The following MRPL52 variants were observed in gnomAD, a reference collection of about 807,000 sequenced individuals.
MRPL52 encodes the protein large ribosomal subunit protein mL52.
MRPL52 carries 19 observed loss-of-function variants against 22.1 expected under a neutral mutation model. The ratio of observed to expected loss-of-function variants is 0.86; its 90% CI spans 0.60 to 1.26. The LOEUF (loss-of-function observed/expected upper bound fraction) is 1.26, where lower values mean the gene tolerates loss of function less well. MRPL52 is among the 50% of genes most tolerant of loss of function. The pLI is 0.00. For synonymous variants in MRPL52, 50 were observed against 57.5 expected (o/e 0.87, Z 0.59); for missense variants, 152 against 148.1 (o/e 1.03, Z -0.14).
At chr14:22,830,439 G>A in intron 3 of MRPL52, 185 bp downstream of exon 3, 4 of 640,242 alleles carry the variant, frequency 6.2e-6, no homozygotes, top group Non-Finnish European at 1.1e-5. Flanking sequence ...GACTAAGGAA[G>A]GTAAAGCTAA....
Position 22,834,281 on chromosome 14 carries a change from C to A in MRPL52, c.329C>A (p.Pro110His), listed in dbSNP as rs1356549380. 1 of 1,614,014 alleles carries A rather than the reference C, an allele frequency of 6.2e-7. No homozygotes were observed. The highest frequency in any genetic ancestry group is 8.5e-7 in the Non-Finnish European group (1 of 1,180,000). ...EQRKQENALK[P>H]KGASLKSPLP... ...AGGAAGCAGGAAAATGCTCTTAAAC[C>A]CAAAGGGGCTTCACTGAAGAGCCCA... The change falls in exon 5 of 5, where the codon CCC becomes CAC. Residue 110 changes from proline (P) to histidine (H), a missense_variant. Pro to His is a moderately conservative substitution (Grantham distance 77, BLOSUM62 -2). Transcript: ENST00000397496.
At chr14:22,833,531 A>G (rs1172922947) in intron 4 of MRPL52, 49 bp downstream of exon 4, 1 of 1,405,746 alleles carries the variant, frequency 7.1e-7, no homozygotes, top group Admixed American at 1.7e-5. Context: ...AGAACATTTA[A>G]ATCATAATTT....
chr14:22,832,900 C>T (rs2039653742), intron 3 of MRPL52, among the ~76,000 whole-genome samples: 1 of 151,812 alleles, frequency 6.6e-6, no homozygotes, highest in African/African-American at 2.4e-5. Flanking sequence ...ATAAAAAAGG[C>T]CGAGCACGGT....
chr14:22,830,070 T>G lies in MRPL52; in HGVS notation c.46T>G (p.Cys16Gly). Residue 16 changes from cysteine to glycine, a missense_variant, in exon 2 of 5, where the codon TGC (cysteine) becomes GGC (glycine). Transcript: ENST00000397496. ...TVLFSVRRLH[C>G]SVAAWAGGQW... Reference sequence around the variant, plus strand: ...CCCAGCAGGTGTCCGGAGGCTGCACTGCAGCGTAGCCGCTTGGGCGGGCGG... The same window carrying G: ...CCCAGCAGGTGTCCGGAGGCTGCACGGCAGCGTAGCCGCTTGGGCGGGCGG... 6.2e-7 allele frequency: 1 copy of G among 1,614,104 alleles called. No homozygotes were observed. Among genetic ancestry groups the G allele is most frequent in the Non-Finnish European group, 8.5e-7 (1 of 1,179,964 alleles).
intron 4 of MRPL52, 153 bp downstream of exon 4, chr14:22,833,635 T>G: frequency 3.2e-6 from 2 of 619,598 alleles, no homozygotes; most frequent in Non-Finnish European, 5.7e-6. Context: ...TTGTTTTTGT[T>G]TTTTGTGAGA....
At chr14:22,830,370 A>G in intron 3 of MRPL52, 116 bp downstream of exon 3, 1 of 1,091,100 alleles carries the variant, frequency 9.2e-7, no homozygotes, top group South Asian at 1.3e-5. Context: ...TTAACTTTTT[A>G]TTTGGAAAAC....
At chr14:22,830,362 A>T in intron 3 of MRPL52, 108 bp downstream of exon 3, 1 of 1,167,994 alleles carries the variant, frequency 8.6e-7, no homozygotes, top group Non-Finnish European at 1.2e-6. Flanking sequence ...AAAAGTGTTT[A>T]ACTTTTTATT....
At chr14:22,830,706 T>C (rs17122926) in intron 3 of MRPL52, 1 of 413,308 alleles carries the variant, frequency 2.4e-6, no homozygotes, top group Non-Finnish European at 4.3e-6. Context: ...TTCAGAAAAT[T>C]CTTTTACCTT....
At chr14:22,830,282 A>C (rs2039576368) in intron 3 of MRPL52, 28 bp downstream of exon 3, 7 of 1,613,366 alleles carry the variant, frequency 4.3e-6, no homozygotes, top group Admixed American at 1.7e-5. Flanking sequence ...AGTTAACTCC[A>C]CTGGGGAGAT....
At chr14:22,830,620 G>T (rs187194209) in intron 3 of MRPL52, 8 of 390,028 alleles carry the variant, frequency 2.1e-5, no homozygotes, top group African/African-American at 1.2e-4. Context: ...CAAATGCAGG[G>T]AGAGCTCTTT....
At chr14:22,833,356 A>T in intron 3 of MRPL52, 62 bp from the exon 4 acceptor site, 2 of 1,044,532 alleles carry the variant, frequency 1.9e-6, no homozygotes, top group Non-Finnish European at 3.0e-6. Flanking sequence ...CTATCACAGT[A>T]TTTGCACAAG....
chr14:22,831,105 G>GGTTTT, intron 3 of MRPL52: 2 of 101,282 alleles, frequency 2.0e-5, no homozygotes, highest in Non-Finnish European at 3.3e-5. Context: ...ACATATGACT[G>GGTTTT]CTTTTTTTTT....
chr14:22,830,876 TAG>T, intron 3 of MRPL52: 1 of 858,496 alleles, frequency 1.2e-6, no homozygotes, highest in South Asian at 1.6e-5. Flanking sequence ...TACAGCTAGG[TAG>T]TAGCAAATCC....
Position 22,833,502 on chromosome 14 carries a change from G to A in MRPL52, c.219+20G>A, listed in dbSNP as rs761852248. 3.1e-6 allele frequency: 5 copies of A among 1,590,778 alleles called. No homozygotes were observed. The Admixed American group carries it at 5.0e-5, about 16-fold the overall frequency. The stretch of plus-strand genomic sequence containing the variant: ...TTTGCAGTGAGTGGTTAGAGCAACA[G>A]CCAGGGCTACCTGGAAGGAGAACAT... On this transcript the variant is annotated intron_variant, in intron 4 of 4. Coordinates refer to ENST00000397496, the MANE Select transcript of MRPL52 (RefSeq NM_180982.3).
rs9646149 is a variant in MRPL52 at position 22,831,183 on chromosome 14, G to A, written c.154+929G>A. 19 of 533,136 alleles carry A rather than the reference G, an allele frequency of 3.6e-5. 1 individual carries two copies. The South Asian group carries it at 4.0e-4, about 11-fold the overall frequency. 33.0% of individuals were successfully genotyped at this position (533,136 alleles called of 1,614,324 possible). On this transcript the variant is annotated intron_variant, in intron 3 of 4. Transcript: ENST00000397496. ...GCTGAAGTGCAGTGGCATGATCATC[G>A]CTCACTGCAGCCTTGATCTCCTGGG...
At chr14:22,830,991 T>C in intron 3 of MRPL52, 1 of 1,534,334 alleles carries the variant, frequency 6.5e-7, no homozygotes, top group African/African-American at 1.4e-5. Flanking sequence ...ATTGGATAAT[T>C]GGTGACTGAG....
At chr14:22,832,488 C>T (rs955340315) in intron 3 of MRPL52, among the ~76,000 whole-genome samples, 2 of 151,864 alleles carry the variant, frequency 1.3e-5, no homozygotes, top group Non-Finnish European at 2.9e-5. Flanking sequence ...CTACAGGCGC[C>T]CACCACCACG....
intron 3 of MRPL52, chr14:22,830,472 T>C: frequency 1.7e-6 from 1 of 589,486 alleles, no homozygotes; most frequent in African/African-American, 1.9e-5. Flanking sequence ...CTTGTGGAGA[T>C]AAGCAGAAGA....
intron 3 of MRPL52, chr14:22,831,566 A>T (rs967107127): frequency 6.6e-6 from 1 of 152,388 alleles, no homozygotes; most frequent in Non-Finnish European, 1.5e-5. Flanking sequence ...CAACCAATGT[A>T]AAGCATGTGG....
Sources: allele counts gnomAD v4.1 joint callset (sites outside exome capture counted in the v4.1 genomes callset), GRCh38; gene constraint gnomAD v4.1.1; transcripts MANE v1.5; gene names NCBI Gene and HGNC (gene_info 2026-07-23, HGNC 2026-07-21).